Variants in DLD observed in about 807,000 individuals in gnomAD.
DLD encodes the protein dihydrolipoamide dehydrogenase.
In DLD, 36 loss-of-function variants were observed where a neutral mutation model predicts 62.2. That is an observed-to-expected ratio of 0.58 (90% CI 0.44 to 0.76). The LOEUF (loss-of-function observed/expected upper bound fraction) is 0.76, where lower values mean the gene tolerates loss of function less well. Among genes scored for constraint, DLD ranks in the 30% least tolerant of loss-of-function variants. The pLI is 0.00. For missense variants in DLD, 541 were observed against 608.6 expected (o/e 0.89, Z 1.17); for synonymous variants, 204 against 199.6 (o/e 1.02, Z -0.19).
chr7:107,905,662 G>T, intron 7 of DLD, 158 bp downstream of exon 7: 1 of 758,150 alleles, frequency 1.3e-6, no homozygotes, highest in South Asian at 1.6e-5. Flanking sequence ...TTATTCTGCA[G>T]TGATTCTGAC....
chr7:107,905,444 T>G lies in DLD; in HGVS notation c.522T>G (p.Ile174Met), dbSNP rs981474800. Residue 174 changes from isoleucine to methionine, a missense_variant, in exon 7 of 14, where the codon ATT becomes ATG. Coordinates refer to ENST00000205402, the MANE Select transcript of DLD (RefSeq NM_000108.5). ...AAGCTGATGGCGGCACTCAGGTTAT[T>G]GATACAAAGAACATTCTTATAGCCA... is the stretch of plus-strand genomic sequence containing the variant. ...ATKADGGTQV[I>M]DTKNILIATG... 8 of 1,613,714 alleles carry G rather than the reference T, an allele frequency of 5.0e-6. No homozygotes were observed. Among genetic ancestry groups the G allele is most frequent in the Non-Finnish European group, 5.9e-6 (7 of 1,179,764 alleles).
intron 2 of DLD, among the ~76,000 whole-genome samples, chr7:107,896,199 G>C (rs2031719168): frequency 1.3e-5 from 2 of 152,196 alleles, no homozygotes; most frequent in Non-Finnish European, 2.9e-5. Flanking sequence ...CGTAACAACA[G>C]AGAGAATAAC....
chr7:107,911,601 T>C (rs1298471825), intron 8 of DLD, among the ~76,000 whole-genome samples: 3 of 152,186 alleles, frequency 2.0e-5, no homozygotes. Context: ...AAATTTTTGT[T>C]GCTCTGCTTT....
At chr7:107,901,413 A>G (rs531057769) in intron 2 of DLD, among the ~76,000 whole-genome samples, 1 of 152,292 alleles carries the variant, frequency 6.6e-6, no homozygotes, top group Non-Finnish European at 1.5e-5. Context: ...GTCTTCCAGT[A>G]TCACTAAATT....
At chr7:107,913,509 CT>C (rs796794845) in intron 8 of DLD, among the ~76,000 whole-genome samples, 138 of 142,706 alleles carry the variant, frequency 9.7e-4, no homozygotes, top group Admixed American at 1.1e-3. Flanking sequence ...AATGGGATTG[CT>C]TTTTTTTTTT....
intron 2 of DLD, among the ~76,000 whole-genome samples, chr7:107,899,184 T>C (rs2031813352): frequency 6.6e-6 from 1 of 151,928 alleles, no homozygotes; most frequent in Non-Finnish European, 1.5e-5. Context: ...TACTGGTTTG[T>C]TTTTGAAAGT....
At chr7:107,914,441 G>A (rs764420026) in intron 8 of DLD, among the ~76,000 whole-genome samples, 1 of 151,926 alleles carries the variant, frequency 6.6e-6, no homozygotes, top group African/African-American at 2.4e-5. Context: ...AGAAATCTTC[G>A]CCTAACTCAA....
intron 8 of DLD, among the ~76,000 whole-genome samples, chr7:107,909,893 C>T (rs1562917393): frequency 7.5e-6 from 1 of 133,978 alleles, no homozygotes; most frequent in Non-Finnish European, 1.5e-5. Flanking sequence ...GTAGCCCCGG[C>T]TGGAATACAG....
intron 1 of DLD, among the ~76,000 whole-genome samples, chr7:107,892,530 G>GATTTATTTATTT (rs2031611103): frequency 1.7e-5 from 2 of 116,540 alleles, no homozygotes; most frequent in Admixed American, 9.1e-5. Context: ...AACTTTCAGA[G>GATTTATTTATTT]CTTTATTTAT....
intron 2 of DLD, among the ~76,000 whole-genome samples, chr7:107,898,895 AT>A (rs1356498971): frequency 1.3e-5 from 2 of 152,120 alleles, no homozygotes; most frequent in Non-Finnish European, 2.9e-5. Flanking sequence ...AACTTTATGT[AT>A]GGGACTCAAC....
chr7:107,911,634 A>AT (rs200428935), intron 8 of DLD, among the ~76,000 whole-genome samples: 26 of 151,562 alleles, frequency 1.7e-4, no homozygotes, highest in African/African-American at 3.1e-4. Flanking sequence ...TGGTATTGTC[A>AT]TTTTTTTTTA....
chr7:107,912,033 G>A (rs2032156313), intron 8 of DLD, among the ~76,000 whole-genome samples: 1 of 150,714 alleles, frequency 6.6e-6, no homozygotes. Flanking sequence ...ATCTCCATGA[G>A]TTCAGTTTGT....
chr7:107,896,719 A>G (rs1176639178), intron 2 of DLD, among the ~76,000 whole-genome samples: 1 of 152,228 alleles, frequency 6.6e-6, no homozygotes, highest in Non-Finnish European at 1.5e-5. Context: ...ACAAAATGTC[A>G]ACAAATAAAC....
intron 8 of DLD, among the ~76,000 whole-genome samples, chr7:107,909,097 T>C (rs545056583): frequency 2.6e-5 from 4 of 152,242 alleles, no homozygotes; most frequent in Non-Finnish European, 4.4e-5. Context: ...ATCAGTTTAG[T>C]TGTTTTTATA....
At chr7:107,904,623 TG>T (rs1161529664) in intron 5 of DLD, 1 of 450,102 alleles carries the variant, frequency 2.2e-6, no homozygotes, top group East Asian at 6.5e-5. Flanking sequence ...AAATTTCAGA[TG>T]ATGTTTTACT....
At chr7:107,918,510 G>C (rs1014082415) in intron 12 of DLD, among the ~76,000 whole-genome samples, 1 of 152,138 alleles carries the variant, frequency 6.6e-6, no homozygotes, top group African/African-American at 2.4e-5. Context: ...TGCTTAGACT[G>C]TTCTGCCTCC....
At chr7:107,910,633 T>C (rs149428855) in intron 8 of DLD, among the ~76,000 whole-genome samples, 2 of 152,224 alleles carry the variant, frequency 1.3e-5, no homozygotes, top group African/African-American at 2.4e-5. Context: ...TACTGACTTA[T>C]GTTCTTGTTA....
intron 6 of DLD, 94 bp downstream of exon 6, chr7:107,905,152 A>C (rs1412976882): frequency 4.8e-6 from 5 of 1,051,666 alleles, no homozygotes; most frequent in Non-Finnish European, 7.2e-6. Flanking sequence ...TTACAGGGGA[A>C]TATTTATTTA....
chr7:107,915,727 C>A, intron 9 of DLD, 31 bp downstream of exon 9: 1 of 1,589,450 alleles, frequency 6.3e-7, no homozygotes, highest in Non-Finnish European at 8.6e-7. Flanking sequence ...TTTGATGTAT[C>A]ATCCCTGTCT....
Sources: allele counts gnomAD v4.1 joint callset (sites outside exome capture counted in the v4.1 genomes callset), GRCh38; gene constraint gnomAD v4.1.1; transcripts MANE v1.5; gene names NCBI Gene and HGNC (gene_info 2026-07-23, HGNC 2026-07-21).